The following NDUFB3 variants were observed in gnomAD, a reference collection of about 807,000 sequenced individuals.
NDUFB3 encodes NADH dehydrogenase [ubiquinone] 1 beta subcomplex subunit 3.
In NDUFB3, 7 loss-of-function variants were observed where a neutral mutation model predicts 9.0. That is an observed-to-expected ratio of 0.78 (90% CI 0.44 to 1.46). The LOEUF (loss-of-function observed/expected upper bound fraction) is 1.46. NDUFB3 is among the 40% of genes most tolerant of loss of function. NDUFB3 has a pLI of 0.01. For synonymous variants in NDUFB3, 29 were observed against 38.5 expected, an observed-to-expected ratio of 0.75 and a Z score of 0.91; for missense variants, 93 against 115.4, an observed-to-expected ratio of 0.81 and a Z score of 0.89.
At chr2:201,084,022 G>A (rs1382293968) in intron 2 of NDUFB3, among the ~76,000 whole-genome samples, 1 of 152,150 alleles carries the variant, frequency 6.6e-6, no homozygotes, top group Non-Finnish European at 1.5e-5. Flanking sequence ...CGGGCGCGGT[G>A]GCTCATGCCT....
intron 2 of NDUFB3, among the ~76,000 whole-genome samples, chr2:201,083,208 G>T (rs2125538325): frequency 6.6e-6 from 1 of 152,238 alleles, no homozygotes; most frequent in South Asian, 2.1e-4. Context: ...GGACGTCCTT[G>T]CCTTATTCCC....
intron 2 of NDUFB3, among the ~76,000 whole-genome samples, chr2:201,082,916 T>C (rs972608203): frequency 6.6e-6 from 1 of 151,246 alleles, no homozygotes; most frequent in Non-Finnish European, 1.5e-5. Context: ...GGTTTCACCT[T>C]GTTAGCCAGG....
chr2:201,077,165 A>T (rs2047173346), intron 1 of NDUFB3, among the ~76,000 whole-genome samples: 1 of 152,168 alleles, frequency 6.6e-6, no homozygotes, highest in Non-Finnish European at 1.5e-5. Flanking sequence ...AAATATGGAC[A>T]TAATGGTAAT....
intron 2 of NDUFB3, among the ~76,000 whole-genome samples, chr2:201,081,815 ATTT>A (rs757230724): frequency 2.8e-5 from 3 of 107,036 alleles, no homozygotes. Context: ...CGCCCAGCTA[ATTT>A]TTTTTTTTTT....
At chr2:201,073,901 T>TA (rs1392882118) in intron 1 of NDUFB3, among the ~76,000 whole-genome samples, 1 of 152,196 alleles carries the variant, frequency 6.6e-6, no homozygotes, top group East Asian at 1.9e-4. Context: ...TTACAGTTGA[T>TA]AAAGTAGATT....
intron 1 of NDUFB3, among the ~76,000 whole-genome samples, chr2:201,078,333 G>T (rs962643265): frequency 2.0e-5 from 3 of 152,024 alleles, no homozygotes; most frequent in Non-Finnish European, 4.4e-5. Flanking sequence ...GTTAGGAGCA[G>T]GGTTCTAAAA....
chr2:201,085,353 C>G, intron 2 of NDUFB3, 106 bp from the exon 3 acceptor site: 6 of 823,156 alleles, frequency 7.3e-6, no homozygotes, highest in Admixed American at 6.1e-5. Context: ...AAATGATCTT[C>G]TGTAGGGTAG....
intron 2 of NDUFB3, among the ~76,000 whole-genome samples, chr2:201,080,264 T>C (rs2047208222): frequency 6.6e-6 from 1 of 152,170 alleles, no homozygotes; most frequent in African/African-American, 2.4e-5. Flanking sequence ...TTGTCAAAAA[T>C]CCATTGAGTG....
intron 1 of NDUFB3, among the ~76,000 whole-genome samples, chr2:201,076,218 C>T (rs1176999399): frequency 1.3e-5 from 2 of 151,856 alleles, no homozygotes; most frequent in East Asian, 3.9e-4. Context: ...ATGTGAAAAT[C>T]CTCCTGGGTG....
At chr2:201,074,080 A>G (rs1045188067) in intron 1 of NDUFB3, among the ~76,000 whole-genome samples, 2 of 151,550 alleles carry the variant, frequency 1.3e-5, no homozygotes, top group African/African-American at 4.8e-5. Flanking sequence ...ACCCTCCCTA[A>G]TAGCTGGAAC....
At chr2:201,075,639 GA>G (rs2047156476) in intron 1 of NDUFB3, among the ~76,000 whole-genome samples, 1 of 150,598 alleles carries the variant, frequency 6.6e-6, no homozygotes, top group Non-Finnish European at 1.5e-5. Flanking sequence ...TAATTAGGTA[GA>G]AGAGAAAATA....
intron 2 of NDUFB3, chr2:201,079,886 A>C (rs947908207): frequency 6.6e-6 from 1 of 152,228 alleles, no homozygotes; most frequent in African/African-American, 2.4e-5. Flanking sequence ...AATACAGAGA[A>C]GTTAGTATGG....
chr2:201,073,700 G>A lies in NDUFB3; in HGVS notation c.-3+1641G>A, dbSNP rs866255401. Among the ~76,000 whole-genome samples the A allele has an allele frequency of 2.1e-3, 313 of 152,056 alleles. 2 individuals are homozygous for A. The highest frequency in any genetic ancestry group is 3.4e-3 in the Middle Eastern group (1 of 294). On this transcript the variant is annotated intron_variant, in intron 1 of 2. Coordinates refer to ENST00000237889, the MANE Select transcript of NDUFB3 (RefSeq NM_002491.3). ...GGAGAATCACTAGAACCTGGGAGGC[G>A]GAGGTTGCAGTGAGCCGACATTGCA...
intron 1 of NDUFB3, among the ~76,000 whole-genome samples, chr2:201,074,454 C>CTTTT (rs370282012): frequency 1.9e-4 from 21 of 113,144 alleles, no homozygotes; most frequent in African/African-American, 5.5e-4. Flanking sequence ...ATATGTTCAG[C>CTTTT]TTTTTTTTTT....
Position 201,078,889 on chromosome 2 carries a change from C to T in NDUFB3, c.7C>T (p.His3Tyr). The change falls in exon 2 of 3, where the codon CAT becomes TAT. Residue 3 changes from histidine (H) to tyrosine (Y), a missense_variant. By Grantham distance (83) the His-to-Tyr change is moderately conservative (BLOSUM62 2). Transcript: ENST00000237889. MA[H>Y]EHGHEHGHHK... ...TAATCTTTTCCTTACAGACATGGCC[C>T]ATGAACATGGACATGAGCATGGACA... is the stretch of plus-strand genomic sequence containing the variant. 6.2e-7 allele frequency: 1 copy of T among 1,608,934 alleles called. No homozygotes were observed. The highest frequency in any genetic ancestry group is 8.5e-7 in the Non-Finnish European group (1 of 1,179,120).
intron 2 of NDUFB3, 130 bp downstream of exon 2, chr2:201,079,152 TG>T: frequency 8.9e-7 from 1 of 1,121,114 alleles, no homozygotes. Flanking sequence ...TTTTGGTTTT[TG>T]TTTTGTTTTT....
intron 1 of NDUFB3, among the ~76,000 whole-genome samples, chr2:201,075,901 T>C (rs1231803519): frequency 6.6e-6 from 1 of 152,222 alleles, no homozygotes; most frequent in African/African-American, 2.4e-5. Context: ...GAATTGACAT[T>C]TGCCAAAATA....
intron 1 of NDUFB3, among the ~76,000 whole-genome samples, chr2:201,074,771 A>G (rs1171682168): frequency 1.3e-5 from 2 of 152,070 alleles, no homozygotes; most frequent in Non-Finnish European, 2.9e-5. Context: ...CAGCCTTTCT[A>G]GGTCTTGCCA....
intron 2 of NDUFB3, among the ~76,000 whole-genome samples, chr2:201,084,471 C>CA (rs1055981971): frequency 9.3e-5 from 14 of 151,132 alleles, no homozygotes; most frequent in Non-Finnish European, 8.9e-5. Context: ...AATAAATAAA[C>CA]AAACAAACAA....
Sources: allele counts gnomAD v4.1 joint callset (sites outside exome capture counted in the v4.1 genomes callset), GRCh38; gene constraint gnomAD v4.1.1; transcripts MANE v1.5; gene names NCBI Gene and HGNC (gene_info 2026-07-23, HGNC 2026-07-21).